MINDY4B: variants seen among roughly 807,000 people sequenced by gnomAD.
MINDY4B encodes inactive ubiquitin carboxyl-terminal hydrolase MINDY-4B.
A neutral mutation model predicts 16.7 loss-of-function variants in MINDY4B; 25 were observed. That is an observed-to-expected ratio of 1.49 (90% CI 1.09 to 2.09). The LOEUF (loss-of-function observed/expected upper bound fraction) is 2.09. MINDY4B is among the 30% of genes most tolerant of loss of function. The pLI, the probability that MINDY4B is intolerant of heterozygous loss-of-function variation, is 0.00. For synonymous variants in MINDY4B, 132 were observed against 61.9 expected (o/e 2.13, Z -5.32); for missense variants, 327 against 168.4 (o/e 1.94, Z -5.21).
intron 10 of MINDY4B, among the ~76,000 whole-genome samples, chr3:150,874,475 C>T (rs1054005400): frequency 1.3e-5 from 2 of 152,216 alleles, no homozygotes; most frequent in African/African-American, 4.8e-5. Context: ...TTTTTAAAGG[C>T]TTTCCATCAA....
Position 150,870,926 on chromosome 3 carries a change from A to T in MINDY4B, c.*119T>A, listed in dbSNP as rs1716950905. 1 of 605,384 alleles carries T rather than the reference A, an allele frequency of 1.7e-6. No homozygotes were observed. The highest frequency in any genetic ancestry group is 2.0e-5 in the South Asian group (1 of 49,972). The allele number at this position is 605,384 out of a possible 1,614,324, so 37.5% of individuals were successfully genotyped here. A position where few individuals can be genotyped will look rare whatever the true frequency, so the allele number is the denominator to read the frequency against. ...AAAAAACTGCTAATGGTATATATAT[A>T]TATTTTTTGGTGGGGCTTGTGAATG... On this transcript the variant is annotated 3_prime_UTR_variant, in exon 12 of 12. Coordinates refer to ENST00000465419, the MANE Select transcript of MINDY4B (RefSeq NM_001351281.2).
intron 7 of MINDY4B, among the ~76,000 whole-genome samples, chr3:150,886,050 G>A (rs1711614772): frequency 1.3e-5 from 2 of 152,194 alleles, no homozygotes; most frequent in Admixed American, 6.5e-5. Flanking sequence ...AAATTAATAT[G>A]TGTCCCTCTC....
intron 4 of MINDY4B, 120 bp downstream of exon 4, chr3:150,894,066 A>G (rs190077638): frequency 1.9e-6 from 1 of 520,144 alleles, no homozygotes; most frequent in East Asian, 3.1e-5. Context: ...TTTACATTAT[A>G]AATATATTTC....
chr3:150,896,587 A>G (rs1483332269), intron 3 of MINDY4B, among the ~76,000 whole-genome samples: 1 of 152,192 alleles, frequency 6.6e-6, no homozygotes, highest in Non-Finnish European at 1.5e-5. Context: ...CCCTTGATAT[A>G]GTACTCTCCC....
chr3:150,886,777 G>C (rs686235), intron 7 of MINDY4B, among the ~76,000 whole-genome samples: 90,314 of 151,868 alleles, frequency 0.59, 27,208 homozygotes, highest in African/African-American at 0.67. Context: ...CCTGCCTCCC[G>C]CTTTCCCTTA....
At chr3:150,892,889 G>A (rs1165047771) in intron 5 of MINDY4B, among the ~76,000 whole-genome samples, 4 of 150,980 alleles carry the variant, frequency 2.6e-5, no homozygotes, top group Admixed American at 6.6e-5. Context: ...GCAGTGAGCC[G>A]AGATCATGCC....
In MINDY4B at chr3:150,873,375, G is replaced by A. The variant is rs1446872423; in HGVS notation, c.1060-8C>T. 8.5e-6 allele frequency: 6 copies of A among 702,064 alleles called. No individual in the cohort carries two copies. The East Asian group carries it at 1.6e-4, about 19-fold the overall frequency. 43.5% of individuals were successfully genotyped at this position (702,064 alleles called of 1,614,324 possible). On this transcript the variant is annotated splice_region_variant and splice_polypyrimidine_tract_variant and intron_variant, in intron 10 of 11. Coordinates refer to ENST00000465419, the MANE Select transcript of MINDY4B (RefSeq NM_001351281.2). The stretch of plus-strand genomic sequence containing the variant: ...CTTCAGCATGCTGCCCACCTGGAAA[G>A]GGGAAGGGGAATGCAGATAAATATA...
At chr3:150,877,425 G>A (rs1424161464) in intron 10 of MINDY4B, among the ~76,000 whole-genome samples, 1 of 152,108 alleles carries the variant, frequency 6.6e-6, no homozygotes, top group East Asian at 1.9e-4. Context: ...TCTCCAATCC[G>A]GTCATACTTA....
chr3:150,902,989 C>G (rs1011123664), intron 3 of MINDY4B, among the ~76,000 whole-genome samples: 3 of 152,202 alleles, frequency 2.0e-5, no homozygotes, highest in Admixed American at 2.0e-4. Context: ...ATGTAACTCA[C>G]TCCCTCAAAT....
At chr3:150,902,101 C>T (rs746197735) in intron 3 of MINDY4B, among the ~76,000 whole-genome samples, 123 of 152,004 alleles carry the variant, frequency 8.1e-4, no homozygotes, top group Non-Finnish European at 1.6e-3. Context: ...GTGGTTTCCC[C>T]GGAAGAAGTT....
intron 8 of MINDY4B, among the ~76,000 whole-genome samples, chr3:150,885,153 T>C (rs1711589779): frequency 6.6e-6 from 1 of 152,240 alleles, no homozygotes; most frequent in Admixed American, 6.5e-5. Context: ...TACTAGGGTA[T>C]TGTAAGAACA....
At chr3:150,889,376 TTC>T (rs1711708529) in intron 7 of MINDY4B, among the ~76,000 whole-genome samples, 1 of 152,222 alleles carries the variant, frequency 6.6e-6, no homozygotes, top group African/African-American at 2.4e-5. Flanking sequence ...GGGGGCACTC[TTC>T]TCCTATCACT....
chr3:150,897,276 C>G (rs538944357), intron 3 of MINDY4B, among the ~76,000 whole-genome samples: 1 of 150,984 alleles, frequency 6.6e-6, no homozygotes, highest in Non-Finnish European at 1.5e-5. Flanking sequence ...ACATCAGTAC[C>G]TGGGGTGTCC....
intron 3 of MINDY4B, among the ~76,000 whole-genome samples, chr3:150,898,809 T>C (rs1428901496): frequency 6.6e-6 from 1 of 152,204 alleles, no homozygotes; most frequent in Admixed American, 6.5e-5. Context: ...TATACACACA[T>C]TCAAAGATAG....
At chr3:150,894,630 G>GA (rs1381566106) in intron 3 of MINDY4B, among the ~76,000 whole-genome samples, 1 of 151,944 alleles carries the variant, frequency 6.6e-6, no homozygotes, top group East Asian at 1.9e-4. Flanking sequence ...TCTCACTCCA[G>GA]AAAAAAGGAA....
At chr3:150,896,056 G>T (rs1711952245) in intron 3 of MINDY4B, among the ~76,000 whole-genome samples, 1 of 151,982 alleles carries the variant, frequency 6.6e-6, no homozygotes, top group African/African-American at 2.4e-5. Context: ...TGGAGGCTTT[G>T]TTCATATTTT....
intron 4 of MINDY4B, among the ~76,000 whole-genome samples, chr3:150,893,694 T>G (rs1711879759): frequency 1.9e-5 from 1 of 52,400 alleles, no homozygotes; most frequent in Non-Finnish European, 4.9e-5. Context: ...GTAGTTTTTT[T>G]TTGGGGGGGG....
At chr3:150,879,426 A>G (rs1314362744) in intron 10 of MINDY4B, among the ~76,000 whole-genome samples, 3 of 152,182 alleles carry the variant, frequency 2.0e-5, no homozygotes, top group African/African-American at 4.8e-5. Context: ...ACAGCAAACA[A>G]TTAACCACTT....
At chr3:150,883,309 A>C (rs1244197321) in intron 9 of MINDY4B, among the ~76,000 whole-genome samples, 1 of 152,088 alleles carries the variant, frequency 6.6e-6, no homozygotes, top group Non-Finnish European at 1.5e-5. Context: ...CTCCTTTTAC[A>C]GTTCTTTTAA....
Sources: allele counts gnomAD v4.1 joint callset (sites outside exome capture counted in the v4.1 genomes callset), GRCh38; gene constraint gnomAD v4.1.1; transcripts MANE v1.5; gene names NCBI Gene and HGNC (gene_info 2026-07-23, HGNC 2026-07-21).